HEATR5B: variants seen among roughly 807,000 people sequenced by gnomAD.
HEATR5B encodes HEAT repeat-containing protein 5B.
A neutral mutation model predicts 224.1 loss-of-function variants in HEATR5B; 156 were observed. The observed-to-expected ratio is 0.70, with a 90% confidence interval of 0.61 to 0.80. HEATR5B has a LOEUF of 0.80. Among genes scored for constraint, HEATR5B ranks in the 30% least tolerant of loss-of-function variants. The pLI is 0.00. For missense variants in HEATR5B, 2,323 were observed against 2,535.5 expected, an observed-to-expected ratio of 0.92 and a Z score of 1.80; for synonymous variants, 1,027 against 893.0, an observed-to-expected ratio of 1.15 and a Z score of -2.68.
At chr2:37,068,580 C>G in intron 8 of HEATR5B, 101 bp downstream of exon 8, 1 of 1,261,222 alleles carries the variant, frequency 7.9e-7, no homozygotes, top group Non-Finnish European at 1.1e-6. Flanking sequence ...TGAAAACACA[C>G]AGAAAGATAA....
Position 36,988,729 on chromosome 2 carries a change from G to A in HEATR5B, c.5828C>T (p.Pro1943Leu), listed in dbSNP as rs754322899. ...CGCTAAAAGCTCTATGTTACTGGCT[G>A]GTCTGTTTCTTTCAACAGCTTTTAG... ...EKLKAVERNR[P>L]ASNIELLAVQ... Residue 1943 changes from proline to leucine, a missense_variant, in exon 35 of 36, where the codon CCA becomes CTA. By Grantham distance (98) the Pro-to-Leu change is moderately conservative. Coordinates refer to ENST00000233099, the MANE Select transcript of HEATR5B (RefSeq NM_019024.3). 6.2e-7 allele frequency: 1 copy of A among 1,614,002 alleles called. No individual in the cohort carries two copies. The highest frequency in any genetic ancestry group is 1.1e-5 in the South Asian group (1 of 91,078).
At chr2:36,990,588 C>CT in intron 34 of HEATR5B, 60 bp downstream of exon 34, 1 of 1,378,878 alleles carries the variant, frequency 7.3e-7, no homozygotes, top group Non-Finnish European at 9.7e-7. Context: ...ATGAATCAAT[C>CT]TGACATTTTC....
At chr2:37,048,630 AAAT>A (rs1291821141) in intron 18 of HEATR5B, among the ~76,000 whole-genome samples, 1 of 152,228 alleles carries the variant, frequency 6.6e-6, no homozygotes. Flanking sequence ...ATCTTTTAAT[AAAT>A]ATTTAATAAA....
chr2:37,013,272 C>A (rs1667905667), intron 27 of HEATR5B, among the ~76,000 whole-genome samples: 1 of 152,030 alleles, frequency 6.6e-6, no homozygotes, highest in Admixed American at 6.5e-5. Flanking sequence ...TACTGGAGGG[C>A]AGATGATAAG....
chr2:37,012,209 GTA>G (rs1667831150), intron 27 of HEATR5B, among the ~76,000 whole-genome samples: 2 of 152,104 alleles, frequency 1.3e-5, no homozygotes, highest in South Asian at 4.1e-4. Flanking sequence ...GTGCGTGTGT[GTA>G]TAATTTCTAC....
intron 16 of HEATR5B, among the ~76,000 whole-genome samples, chr2:37,054,875 G>T (rs182082066): frequency 6.6e-6 from 1 of 152,278 alleles, no homozygotes; most frequent in Non-Finnish European, 1.5e-5. Context: ...GTTGGATTTA[G>T]TACTAAGACA....
intron 27 of HEATR5B, among the ~76,000 whole-genome samples, chr2:37,012,518 G>C (rs1473056030): frequency 6.6e-6 from 1 of 152,042 alleles, no homozygotes; most frequent in African/African-American, 2.4e-5. Flanking sequence ...AGCCTCCCAA[G>C]TAGCTGGGAT....
intron 33 of HEATR5B, 123 bp from the exon 34 acceptor site, chr2:36,990,922 T>TTG: frequency 2.7e-6 from 2 of 733,318 alleles, no homozygotes; most frequent in Non-Finnish European, 4.2e-6. Flanking sequence ...ACTCCTGAGC[T>TTG]CAAGTGATCC....
intron 32 of HEATR5B, 92 bp from the exon 33 acceptor site, chr2:37,000,905 G>C (rs936705149): frequency 1.0e-5 from 8 of 783,698 alleles, no homozygotes; most frequent in Admixed American, 2.6e-5. Flanking sequence ...TTTGATTGTG[G>C]TTTAATATTG....
At chr2:37,000,553 A>G (rs1203330263) in intron 33 of HEATR5B, 33 bp downstream of exon 33, 17 of 1,552,018 alleles carry the variant, frequency 1.1e-5, no homozygotes, top group Non-Finnish European at 1.4e-5. Context: ...CACATATCCT[A>G]ACTAACTAAA....
At chr2:36,981,818 A>C (rs1179060346) in intron 35 of HEATR5B, 24 bp from the exon 36 acceptor site, 2 of 1,525,240 alleles carry the variant, frequency 1.3e-6, no homozygotes, top group Non-Finnish European at 1.8e-6. Context: ...AGTATGAAAA[A>C]AGATCACAAA....
At chr2:37,000,885 A>AT in intron 32 of HEATR5B, 72 bp from the exon 33 acceptor site, 1 of 1,013,586 alleles carries the variant, frequency 9.9e-7, no homozygotes. Flanking sequence ...CATTGCTTGT[A>AT]TTTTTTGCAT....
At chr2:37,024,664 A>G (rs910008803) in intron 24 of HEATR5B, among the ~76,000 whole-genome samples, 3 of 152,240 alleles carry the variant, frequency 2.0e-5, no homozygotes, top group African/African-American at 7.2e-5. Flanking sequence ...TTCCCAAGGC[A>G]GTACAAAGTA....
intron 20 of HEATR5B, 64 bp downstream of exon 20, chr2:37,040,265 A>T: frequency 7.8e-7 from 1 of 1,275,232 alleles, no homozygotes; most frequent in Non-Finnish European, 1.1e-6. Context: ...TGATGGTGAT[A>T]TTCAGGAAAT....
chr2:37,083,488 GTCAAGC>G, intron 1 of HEATR5B, 52 bp from the exon 2 acceptor site: 1 of 1,359,462 alleles, frequency 7.4e-7, no homozygotes, highest in South Asian at 1.3e-5. Context: ...AATGTTAAAA[GTCAAGC>G]TTAATGGAAT....
intron 33 of HEATR5B, among the ~76,000 whole-genome samples, chr2:36,997,498 T>C (rs1451133364): frequency 6.6e-6 from 1 of 151,876 alleles, no homozygotes; most frequent in Non-Finnish European, 1.5e-5. Context: ...CTAATTTCTA[T>C]ATAGACCAAA....
At chr2:37,046,825 T>G (rs1670226343) in intron 18 of HEATR5B, among the ~76,000 whole-genome samples, 1 of 150,558 alleles carries the variant, frequency 6.6e-6, no homozygotes, top group African/African-American at 2.4e-5. Context: ...CGAGGCAGGT[T>G]GATCACCTAA....
At chr2:37,008,878 T>C (rs1358973298) in intron 27 of HEATR5B, 30 bp from the exon 28 acceptor site, 4 of 1,251,346 alleles carry the variant, frequency 3.2e-6, no homozygotes, top group African/African-American at 1.5e-5. Flanking sequence ...GACAAAATAG[T>C]AAGGCATAAG....
At chr2:37,064,225 T>C (rs1007891356) in intron 10 of HEATR5B, among the ~76,000 whole-genome samples, 1 of 151,528 alleles carries the variant, frequency 6.6e-6, no homozygotes, top group Non-Finnish European at 1.5e-5. Context: ...CTTTTATTTC[T>C]AAAAGCTGAA....
Sources: allele counts gnomAD v4.1 joint callset (sites outside exome capture counted in the v4.1 genomes callset), GRCh38; gene constraint gnomAD v4.1.1; transcripts MANE v1.5; gene names NCBI Gene and HGNC (gene_info 2026-07-23, HGNC 2026-07-21).